The following SPRED1 variants were observed in gnomAD, a reference collection of about 807,000 sequenced individuals.
SPRED1 encodes sprouty-related, EVH1 domain-containing protein 1.
A neutral mutation model predicts 52.3 loss-of-function variants in SPRED1; 18 were observed. That is an observed-to-expected ratio of 0.34 (90% CI 0.24 to 0.51). The LOEUF is 0.51. Ranked by LOEUF, SPRED1 falls within the 20% of genes least tolerant of loss-of-function variation. The pLI is 0.97. For missense variants in SPRED1, 485 were observed against 551.0 expected (o/e 0.88, Z 1.20); for synonymous variants, 155 against 179.7 (o/e 0.86, Z 1.10).
In SPRED1 at chr15:38,308,175, C is replaced by T. The variant is rs1895289880; in HGVS notation, c.207+8628C>T. Among the ~76,000 whole-genome samples, 3 of 152,112 alleles carry T rather than the reference C, an allele frequency of 2.0e-5. No individual in the cohort carries two copies. The South Asian group carries it at 6.2e-4, about 32-fold the overall frequency. On this transcript the variant is annotated intron_variant, in intron 2 of 6. Transcript: ENST00000299084. ...TTATGAAATCTGATTTTGCAAATGT[C>T]TCACAGACTTTTTAAATTGAAATTT...
intron 4 of SPRED1, among the ~76,000 whole-genome samples, chr15:38,331,973 G>C (rs1280278550): frequency 6.6e-6 from 1 of 152,088 alleles, no homozygotes; most frequent in African/African-American, 2.4e-5. Context: ...CCCATAATCA[G>C]AGTATTAGCT....
chr15:38,324,743 AC>A lies in SPRED1; in HGVS notation c.377-19del, dbSNP rs1267902445. The A allele has an allele frequency of 1.3e-6, 2 of 1,584,820 alleles. No homozygotes were observed. The highest frequency in any genetic ancestry group is 2.7e-5 in the African/African-American group (2 of 74,140). On this transcript the variant is annotated intron_variant, in intron 3 of 6. Transcript: ENST00000299084. ...AAGACAAAAATTCTATACTTAATTA[AC>A]TTTTATCTATTTTCTTAGGATGCCC...
At position 38,355,613 on chromosome 15, in the gene SPRED1, TG is replaced by T. The variant is rs2141019588; in HGVS notation, c.*3950del. The T allele has an allele frequency of 6.6e-6, 1 of 152,348 alleles. No homozygotes were observed. The highest frequency in any genetic ancestry group is 2.4e-5 in the African/African-American group (1 of 41,586). The allele number at this position is 152,348 out of a possible 1,614,324, so 9.4% of individuals were successfully genotyped here. A position where few individuals can be genotyped will look rare whatever the true frequency, so the allele number is the denominator to read the frequency against. On this transcript the variant is annotated 3_prime_UTR_variant, in exon 7 of 7. Transcript: ENST00000299084. The stretch of plus-strand genomic sequence containing the variant: ...GATTTTGTGATTACACTTGGAAGTA[TG>T]TGTTAAATTGGGTTTTTAATTGTAG...
In SPRED1 at chr15:38,354,884, TAATC is replaced by T. The variant is rs1253484832; in HGVS notation, c.*3223_*3226del. 1.3e-5 allele frequency: 2 copies of T among 152,210 alleles called. No homozygotes were observed. Among genetic ancestry groups the T allele is most frequent in the African/African-American group, 4.8e-5 (2 of 41,460 alleles). The allele number at this position is 152,210 out of a possible 1,614,324, so 9.4% of individuals were successfully genotyped here. A position where few individuals can be genotyped will look rare whatever the true frequency, so the allele number is the denominator to read the frequency against. On this transcript the variant is annotated 3_prime_UTR_variant, in exon 7 of 7. Coordinates refer to ENST00000299084, the MANE Select transcript of SPRED1 (RefSeq NM_152594.3). ...AGTCAGGGAGAATTTTTAAAAATAATAATCAAAACATGAAAAAACATAATCACAC... is the reference window on the plus strand; with the variant it reads ...AGTCAGGGAGAATTTTTAAAAATAATAAAACATGAAAAAACATAATCACAC...
intron 1 of SPRED1, among the ~76,000 whole-genome samples, chr15:38,294,437 G>A (rs567827410): frequency 4.6e-5 from 7 of 152,076 alleles, no homozygotes; most frequent in East Asian, 1.9e-4. Context: ...CTGTATCTTC[G>A]AGAACGTGTT....
intron 2 of SPRED1, among the ~76,000 whole-genome samples, chr15:38,316,756 T>TTTTTTTTTTTTTTTTTTTTTTTTTTG (rs1895492634): frequency 6.8e-6 from 1 of 146,032 alleles, no homozygotes; most frequent in Non-Finnish European, 1.5e-5. Context: ...ATGTTTTTTT[T>TTTTTTTTTTTTTTTTTTTTTTTTTTG]TTTTTTTTTT....
chr15:38,302,416 AT>A (rs1219695455), intron 2 of SPRED1, among the ~76,000 whole-genome samples: 1 of 151,494 alleles, frequency 6.6e-6, no homozygotes, highest in African/African-American at 2.4e-5. Context: ...ACTTTATTTT[AT>A]TTTTTTAAGA....
intron 5 of SPRED1, among the ~76,000 whole-genome samples, chr15:38,340,242 A>T (rs553259973): frequency 6.6e-6 from 1 of 152,314 alleles, no homozygotes; most frequent in African/African-American, 2.4e-5. Flanking sequence ...GATTAAGAAT[A>T]ACCTTGTGTT....
At chr15:38,316,570 A>G (rs1895484693) in intron 2 of SPRED1, among the ~76,000 whole-genome samples, 1 of 151,846 alleles carries the variant, frequency 6.6e-6, no homozygotes, top group African/African-American at 2.4e-5. Flanking sequence ...CTCCTTTATT[A>G]TTATAGTCAC....
At chr15:38,302,169 G>C (rs954297220) in intron 2 of SPRED1, among the ~76,000 whole-genome samples, 3 of 151,948 alleles carry the variant, frequency 2.0e-5, no homozygotes, top group Admixed American at 6.6e-5. Context: ...TTCAGAAGAG[G>C]AGTATATGAC....
At chr15:38,256,984 T>C (rs2140946127) in intron 1 of SPRED1, among the ~76,000 whole-genome samples, 1 of 152,306 alleles carries the variant, frequency 6.6e-6, no homozygotes, top group South Asian at 2.1e-4. Context: ...ATCAGCTAAA[T>C]GACTGCATAC....
chr15:38,299,238 A>G (rs1278349730), intron 1 of SPRED1, 135 bp from the exon 2 acceptor site: 2 of 1,002,866 alleles, frequency 2.0e-6, no homozygotes, highest in African/African-American at 3.2e-5. Context: ...CTTTCTGTAG[A>G]TTTTCATGGA....
In SPRED1 at chr15:38,351,036, A is replaced by G. The variant is rs886051104; in HGVS notation, c.707A>G (p.His236Arg). 2.5e-6 allele frequency: 4 copies of G among 1,613,642 alleles called. No individual in the cohort carries two copies. In the Admixed American group the frequency reaches 5.0e-5, roughly 20 times the overall value. Reference sequence around the variant, plus strand: ...TAGGTCCCTTTGAAATCAATCAGACATGTCAGCTTTCAAGATGAGGATGAG... The same window carrying G: ...TAGGTCCCTTTGAAATCAATCAGACGTGTCAGCTTTCAAGATGAGGATGAG... ...QNRVPLKSIR[H>R]VSFQDEDEIV... Residue 236 changes from histidine to arginine, a missense_variant, in exon 7 of 7, where the codon CAT becomes CGT. His to Arg is a conservative substitution (Grantham distance 29). Around this residue, in one of 5 missense-constraint regions of SPRED1, gnomAD observed 232 missense variants for 231.8 expected, o/e 1.00. Coordinates refer to ENST00000299084, the MANE Select transcript of SPRED1 (RefSeq NM_152594.3).
chr15:38,282,933 T>C (rs904001175), intron 1 of SPRED1, among the ~76,000 whole-genome samples: 7 of 152,218 alleles, frequency 4.6e-5, no homozygotes, highest in Middle Eastern at 3.4e-3. Context: ...TAGTATTGCT[T>C]ATAGTTAAAA....
intron 5 of SPRED1, among the ~76,000 whole-genome samples, chr15:38,348,386 G>A (rs1223238752): frequency 4.6e-5 from 7 of 151,260 alleles, no homozygotes; most frequent in Non-Finnish European, 7.4e-5. Flanking sequence ...GAGACCAAGG[G>A]CACAGTACAA....
intron 1 of SPRED1, among the ~76,000 whole-genome samples, chr15:38,278,353 C>T (rs879574656): frequency 6.6e-6 from 1 of 152,056 alleles, no homozygotes; most frequent in Non-Finnish European, 1.5e-5. Flanking sequence ...TGTGGTGGTG[C>T]GAGCCTATAG....
At chr15:38,283,523 G>T (rs1282201348) in intron 1 of SPRED1, 1 of 984,160 alleles carries the variant, frequency 1.0e-6, no homozygotes, top group Non-Finnish European at 1.2e-6. Context: ...GATGGAATCT[G>T]CTTTTTTCAG....
intron 1 of SPRED1, among the ~76,000 whole-genome samples, chr15:38,272,413 C>A (rs1238287340): frequency 6.6e-6 from 1 of 151,892 alleles, no homozygotes; most frequent in African/African-American, 2.4e-5. Flanking sequence ...GGATTACAGG[C>A]ACCAACCACC....
At chr15:38,310,287 C>T (rs1205385327) in intron 2 of SPRED1, among the ~76,000 whole-genome samples, 2 of 151,962 alleles carry the variant, frequency 1.3e-5, no homozygotes, top group Non-Finnish European at 2.9e-5. Context: ...ATTACAGGCA[C>T]CTGCCACCAC....
Sources: gnomAD v4.1 joint callset for allele counts (sites outside exome capture counted in the v4.1 genomes callset) on GRCh38, gnomAD v4.1.1 for gene constraint, gnomAD v4.1.1 regional missense constraint, MANE v1.5 for transcripts, NCBI Gene and HGNC (gene_info 2026-07-23, HGNC 2026-07-21) for gene names.